Variants in TENM1 observed in about 807,000 individuals in gnomAD.
TENM1 encodes teneurin transmembrane protein 1.
TENM1 carries 35 observed loss-of-function variants against 174.8 expected under a neutral mutation model. The ratio of observed to expected loss-of-function variants is 0.20; its 90% confidence interval spans 0.15 to 0.27. The LOEUF is 0.27. TENM1 is among the 10% of genes least tolerant of loss of function. The pLI, the probability that TENM1 is intolerant of heterozygous loss-of-function variation, is 1.00. For missense variants in TENM1, 1,633 were observed against 2,130.1 expected, an observed-to-expected ratio of 0.77 and a Z score of 4.59; for synonymous variants, 781 against 798.7, an observed-to-expected ratio of 0.98 and a Z score of 0.37.
At chrX:125,106,599 C>A in the TENM1 span, among the ~76,000 whole-genome samples, 5 of 110,158 alleles carry the variant, frequency 4.5e-5, no homozygotes, top group Admixed American at 9.7e-5. Context: ...TTAGTAGAGA[C>A]AGCGTTTCAC....
chrX:124,440,233 G>C (rs1178598852), intron 23 of TENM1, among the ~76,000 whole-genome samples: 2 of 112,018 alleles, frequency 1.8e-5, no homozygotes, highest in African/African-American at 6.5e-5. Flanking sequence ...ATTAGAGACT[G>C]ACAACTACAG....
intron 11 of TENM1, among the ~76,000 whole-genome samples, chrX:124,610,994 C>T (rs186774090): frequency 1.1e-3 from 122 of 111,172 alleles, no homozygotes; most frequent in Middle Eastern, 9.3e-3. Flanking sequence ...TAGCTTCAGA[C>T]TCTTTCCACT....
the TENM1 span, among the ~76,000 whole-genome samples, chrX:124,991,658 A>T: frequency 6.7e-3 from 721 of 108,189 alleles, 13 homozygotes; most frequent in African/African-American, 0.023. Flanking sequence ...TCTGATAATG[A>T]TAGGATACTT....
chrX:124,754,189 T>G (rs1223671504), intron 3 of TENM1, among the ~76,000 whole-genome samples: 3 of 111,379 alleles, frequency 2.7e-5, no homozygotes, highest in Non-Finnish European at 3.8e-5. Flanking sequence ...TATTCAGAGA[T>G]TCAACTTCTT....
At chrX:124,450,607 A>G (rs189134669) in intron 23 of TENM1, among the ~76,000 whole-genome samples, 1 of 112,126 alleles carries the variant, frequency 8.9e-6, no homozygotes, top group East Asian at 2.8e-4. Flanking sequence ...AGGTGGTATG[A>G]CAAATGAAGC....
chrX:125,198,343 C>A, the TENM1 span, among the ~76,000 whole-genome samples: 1 of 111,578 alleles, frequency 9.0e-6, no homozygotes, highest in African/African-American at 3.2e-5. Context: ...GTTTTCCTAT[C>A]ATCACTAACT....
chrX:124,495,612 G>A (rs1184808489), intron 20 of TENM1, among the ~76,000 whole-genome samples: 1 of 110,350 alleles, frequency 9.1e-6, no homozygotes, highest in Non-Finnish European at 1.9e-5. Context: ...GAATGGTAAT[G>A]CCTAGGTTTT....
At chrX:124,951,673 T>TATATAA (rs767583231) in intron 1 of TENM1, among the ~76,000 whole-genome samples, 10,249 of 65,693 alleles carry the variant, frequency 0.16, 850 homozygotes, top group Non-Finnish European at 0.2. Context: ...TATATATATA[T>TATATAA]AACAATCAAT....
chrX:125,055,031 C>T, the TENM1 span, among the ~76,000 whole-genome samples: 3 of 111,458 alleles, frequency 2.7e-5, no homozygotes, highest in African/African-American at 3.3e-5. Flanking sequence ...CTCCAATATC[C>T]GTCACTTTCT....
chrX:125,131,271 C>T, the TENM1 span, among the ~76,000 whole-genome samples: 1 of 111,621 alleles, frequency 9.0e-6, no homozygotes, highest in Non-Finnish European at 1.9e-5. Flanking sequence ...CTCTAAAAGA[C>T]AGCTTTACTG....
At chrX:124,922,608 A>T (rs1170655644) in intron 1 of TENM1, among the ~76,000 whole-genome samples, 2 of 111,081 alleles carry the variant, frequency 1.8e-5, no homozygotes, top group African/African-American at 3.3e-5. Flanking sequence ...GCGTTAAATG[A>T]ATTTAAAGAA....
chrX:124,510,325 C>T (rs2047553067), intron 18 of TENM1, among the ~76,000 whole-genome samples: 1 of 112,375 alleles, frequency 8.9e-6, no homozygotes, highest in South Asian at 3.7e-4. Flanking sequence ...AGGGGGAAGA[C>T]CCGCAATTCA....
intron 8 of TENM1, among the ~76,000 whole-genome samples, chrX:124,650,947 G>C (rs1440603648): frequency 9.0e-6 from 1 of 111,447 alleles, no homozygotes; most frequent in Non-Finnish European, 1.9e-5. Context: ...TTGACTCAAG[G>C]TCTTCAGCAT....
chrX:124,519,056 C>T (rs2047782742), intron 18 of TENM1, among the ~76,000 whole-genome samples: 2 of 111,788 alleles, frequency 1.8e-5, no homozygotes, highest in Admixed American at 1.9e-4. Flanking sequence ...GTTAGTATGG[C>T]AGGAGGAGAG....
the TENM1 span, among the ~76,000 whole-genome samples, chrX:124,984,305 C>A: frequency 5.4e-5 from 6 of 112,062 alleles, no homozygotes; most frequent in South Asian, 2.2e-3. Context: ...TCTCTCATGT[C>A]TTTTCTAGAT....
At chrX:124,728,345 C>A (rs988403169) in intron 4 of TENM1, among the ~76,000 whole-genome samples, 1 of 111,698 alleles carries the variant, frequency 9.0e-6, no homozygotes, top group Non-Finnish European at 1.9e-5. Flanking sequence ...CTAGAAAGAA[C>A]ATGCTTGCTC....
intron 11 of TENM1, among the ~76,000 whole-genome samples, chrX:124,589,363 T>A (rs1224587876): frequency 9.4e-6 from 1 of 106,592 alleles, no homozygotes; most frequent in Non-Finnish European, 2.0e-5. Flanking sequence ...TTGTTGTTGT[T>A]GTTGTTGTTG....
At chrX:124,687,902 G>C (rs2052408907) in intron 5 of TENM1, among the ~76,000 whole-genome samples, 1 of 112,290 alleles carries the variant, frequency 8.9e-6, no homozygotes, top group Non-Finnish European at 1.9e-5. Flanking sequence ...TCAAGGACTG[G>C]GGGTAGAGAA....
chrX:124,403,112 G>A (rs1003119424), intron 27 of TENM1, among the ~76,000 whole-genome samples: 1 of 110,570 alleles, frequency 9.0e-6, no homozygotes, highest in African/African-American at 3.3e-5. Flanking sequence ...AAATTGACTT[G>A]TGCACATACA....
Sources: allele counts gnomAD v4.1 joint callset (sites outside exome capture counted in the v4.1 genomes callset), GRCh38; gene constraint gnomAD v4.1.1; transcripts MANE v1.5; gene names NCBI Gene and HGNC (gene_info 2026-07-23, HGNC 2026-07-21).